Variants in LOC400499 observed in about 807,000 individuals in gnomAD.
the LOC400499 span, among the ~76,000 whole-genome samples, chr16:11,485,335 G>C: frequency 6.6e-6 from 1 of 152,204 alleles, no homozygotes; most frequent in Middle Eastern, 3.4e-3. Context: ...CCTGTGGGAA[G>C]CCCTCCCTGA....
the LOC400499 span, among the ~76,000 whole-genome samples, chr16:11,484,710 A>G: frequency 6.6e-6 from 1 of 152,180 alleles, no homozygotes; most frequent in East Asian, 1.9e-4. Flanking sequence ...GTTTTTCCAA[A>G]TAAAGCCAGC....
the LOC400499 span, among the ~76,000 whole-genome samples, chr16:11,481,615 G>A: frequency 3.9e-5 from 6 of 152,088 alleles, no homozygotes; most frequent in East Asian, 1.9e-4. Flanking sequence ...AAGCCACCGC[G>A]CCCAGCCCTA....
the LOC400499 span, chr16:11,439,662 T>C: frequency 4.3e-5 from 17 of 398,352 alleles, no homozygotes; most frequent in Admixed American, 8.8e-5. Flanking sequence ...ACTGGGCAAA[T>C]GCATCCCAGA....
the LOC400499 span, among the ~76,000 whole-genome samples, chr16:11,433,167 G>C: frequency 6.6e-6 from 1 of 152,204 alleles, no homozygotes; most frequent in East Asian, 1.9e-4. Context: ...GGCCCACAAA[G>C]CTGAAAATAT....
the LOC400499 span, chr16:11,446,871 C>A: frequency 6.5e-7 from 1 of 1,535,966 alleles, no homozygotes; most frequent in Non-Finnish European, 8.7e-7. Context: ...AGGTCTCCTG[C>A]AGGAGGAGGC....
the LOC400499 span, among the ~76,000 whole-genome samples, chr16:11,388,380 T>C: frequency 4.6e-5 from 7 of 152,122 alleles, no homozygotes; most frequent in South Asian, 1.5e-3. Context: ...CCCCATGATG[T>C]GGGTTTAGTC....
chr16:11,470,128 G>C, the LOC400499 span, among the ~76,000 whole-genome samples: 1 of 152,144 alleles, frequency 6.6e-6, no homozygotes, highest in Non-Finnish European at 1.5e-5. Flanking sequence ...GGCCAGGCTG[G>C]TCTTGAACTC....
the LOC400499 span, among the ~76,000 whole-genome samples, chr16:11,497,629 C>CTG: frequency 1.3e-5 from 2 of 152,208 alleles, no homozygotes; most frequent in Non-Finnish European, 2.9e-5. Flanking sequence ...GAGCCCAGAT[C>CTG]TGTGAGCCAC....
the LOC400499 span, among the ~76,000 whole-genome samples, chr16:11,375,381 T>C: frequency 7.3e-6 from 1 of 136,434 alleles, no homozygotes; most frequent in Non-Finnish European, 1.5e-5. Flanking sequence ...TGGCGGGACC[T>C]CAGCTCACTG....
the LOC400499 span, among the ~76,000 whole-genome samples, chr16:11,457,506 T>C: frequency 6.8e-6 from 1 of 146,354 alleles, no homozygotes; most frequent in Non-Finnish European, 1.5e-5. Context: ...GGCAGGAGAA[T>C]GGTGTGAATT....
At chr16:11,417,383 C>T in the LOC400499 span, among the ~76,000 whole-genome samples, 1 of 152,182 alleles carries the variant, frequency 6.6e-6, no homozygotes, top group African/African-American at 2.4e-5. Flanking sequence ...CACCACCACA[C>T]CTAGCTAAGA....
At chr16:11,450,588 C>T in the LOC400499 span, 26 of 1,534,392 alleles carry the variant, frequency 1.7e-5, no homozygotes, top group Non-Finnish European at 2.0e-5. Flanking sequence ...AGACATATAT[C>T]GGGGGCCGAG....
At chr16:11,483,173 G>C in the LOC400499 span, among the ~76,000 whole-genome samples, 1 of 152,154 alleles carries the variant, frequency 6.6e-6, no homozygotes, top group African/African-American at 2.4e-5. Context: ...TGTTGGTGAG[G>C]ATGTGGAGAA....
chr16:11,432,221 C>T, the LOC400499 span, among the ~76,000 whole-genome samples: 1 of 152,248 alleles, frequency 6.6e-6, no homozygotes, highest in Admixed American at 6.5e-5. Flanking sequence ...AGAATGACCC[C>T]TGCCAAAGCC....
At chr16:11,494,605 A>C in the LOC400499 span, 1 of 399,082 alleles carries the variant, frequency 2.5e-6, no homozygotes, top group Non-Finnish European at 4.4e-6. Flanking sequence ...CCTGGATGGT[A>C]CAGTTCTCAC....
the LOC400499 span, among the ~76,000 whole-genome samples, chr16:11,505,678 G>A: frequency 1.3e-5 from 2 of 151,286 alleles, no homozygotes; most frequent in African/African-American, 4.9e-5. Context: ...AAACCCCTGG[G>A]GTTTAAGTGA....
the LOC400499 span, among the ~76,000 whole-genome samples, chr16:11,386,536 G>C: frequency 6.6e-6 from 1 of 152,208 alleles, no homozygotes; most frequent in Non-Finnish European, 1.5e-5. Context: ...GCCAAGCCTG[G>C]GTACCGGGGT....
the LOC400499 span, among the ~76,000 whole-genome samples, chr16:11,459,235 C>T: frequency 5.2e-4 from 57 of 109,396 alleles, no homozygotes; most frequent in East Asian, 0.015. Context: ...CTCGCTGTTT[C>T]GCCCAGGCCA....
chr16:11,432,339 C>T, the LOC400499 span, among the ~76,000 whole-genome samples: 1 of 152,204 alleles, frequency 6.6e-6, no homozygotes, highest in African/African-American at 2.4e-5. Flanking sequence ...GCTTGTTATG[C>T]AGCAACATCT....
Sources: gnomAD v4.1 joint callset for allele counts (sites outside exome capture counted in the v4.1 genomes callset) on GRCh38, gnomAD v4.1.1 for gene constraint, MANE v1.5 for transcripts.